Variants in RB1CC1 observed in about 807,000 individuals in gnomAD.
RB1CC1 encodes the protein RB1 inducible coiled-coil 1, also known as RB1-inducible coiled-coil protein 1.
A neutral mutation model predicts 177.5 loss-of-function variants in RB1CC1; 46 were observed. The observed-to-expected ratio is 0.26, with a 90% confidence interval of 0.20 to 0.33. The LOEUF is 0.33. Ranked by LOEUF, RB1CC1 falls within the 10% of genes least tolerant of loss-of-function variation. The pLI is 1.00. For synonymous variants in RB1CC1, 666 were observed against 613.6 expected, an observed-to-expected ratio of 1.09 and a Z score of -1.26; for missense variants, 1,703 against 1,816.3, an observed-to-expected ratio of 0.94 and a Z score of 1.13.
chr8:52,690,688 G>A (rs921317757), intron 1 of RB1CC1, among the ~76,000 whole-genome samples: 27 of 151,926 alleles, frequency 1.8e-4, no homozygotes, highest in Admixed American at 6.6e-4. Flanking sequence ...TTGTTTTCTC[G>A]TTTTCCTTTG....
At chr8:52,644,422 A>C (rs968090630) in intron 16 of RB1CC1, among the ~76,000 whole-genome samples, 1 of 152,238 alleles carries the variant, frequency 6.6e-6, no homozygotes, top group African/African-American at 2.4e-5. Context: ...TAGAAATTGT[A>C]CATGTGCTTA....
intron 5 of RB1CC1, among the ~76,000 whole-genome samples, chr8:52,680,695 G>A (rs1212741288): frequency 1.3e-5 from 2 of 152,030 alleles, no homozygotes; most frequent in African/African-American, 2.4e-5. Context: ...TGGCATATTC[G>A]TACAATAGAA....
chr8:52,652,773 G>A (rs779268001), intron 15 of RB1CC1, among the ~76,000 whole-genome samples: 1 of 152,086 alleles, frequency 6.6e-6, no homozygotes, highest in Non-Finnish European at 1.5e-5. Flanking sequence ...AAACAAGTTT[G>A]CTGGCCAGGC....
intron 20 of RB1CC1, among the ~76,000 whole-genome samples, chr8:52,632,531 G>C (rs990360433): frequency 1.3e-5 from 2 of 152,220 alleles, no homozygotes; most frequent in South Asian, 4.1e-4. Context: ...TTTTTTAAAA[G>C]CTTAAGTTTT....
intron 1 of RB1CC1, among the ~76,000 whole-genome samples, chr8:52,700,104 T>C (rs550882110): frequency 9.4e-4 from 143 of 152,036 alleles, no homozygotes; most frequent in Non-Finnish European, 1.5e-3. Context: ...CACAAAAAAC[T>C]TTAATTTTTC....
At chr8:52,705,400 G>C (rs57452480) in intron 1 of RB1CC1, among the ~76,000 whole-genome samples, 3,592 of 152,150 alleles carry the variant, frequency 0.024, 160 homozygotes, top group African/African-American at 0.082. Flanking sequence ...ACATCAACAA[G>C]GTACTACTTT....
chr8:52,676,415 A>C lies in RB1CC1; in HGVS notation c.526T>G (p.Ser176Ala), dbSNP rs1329257819. Residue 176 changes from serine to alanine, a missense_variant, in exon 6 of 24, where the codon TCA (serine) becomes GCA (alanine). Physicochemically the swap from Ser to Ala is moderately conservative, Grantham distance 99. Around this residue, in one of 6 missense-constraint regions of RB1CC1, gnomAD observed 315 missense variants for 304.9 expected, o/e 1.03. Transcript: ENST00000025008. Reference sequence around the variant, plus strand: ...TCTTCTATGGACTGCAGATAATTTGAATAAATACTTTCAAACTTGAAAAGT... The same window carrying C: ...TCTTCTATGGACTGCAGATAATTTGCATAAATACTTTCAAACTTGAAAAGT... ...KLLFKFESIY[S>A]NYLQSIEDIK... is the part of the protein sequence containing the mutation. 2 of 1,612,858 alleles carry C rather than the reference A, an allele frequency of 1.2e-6. No homozygotes were observed. The highest frequency in any genetic ancestry group is 1.7e-6 in the Non-Finnish European group (2 of 1,179,314).
intron 5 of RB1CC1, among the ~76,000 whole-genome samples, chr8:52,679,756 G>C (rs1853523801): frequency 6.6e-6 from 1 of 152,178 alleles, no homozygotes; most frequent in South Asian, 2.1e-4. Flanking sequence ...AAACTTGGGA[G>C]AACTGAATCC....
chr8:52,630,512 G>T lies in RB1CC1; in HGVS notation c.4457C>A (p.Ser1486Tyr), dbSNP rs1848679941. The stretch of plus-strand genomic sequence containing the variant: ...TTCAGAATGCCTTGAAGATACTGAA[G>T]ACATGCTCTGAGACATCTAAAAAAA... ...LNQRLMSQSMSSVSSRHSEKI... is the reference protein window; with the variant it reads ...LNQRLMSQSMYSVSSRHSEKI... The change falls in exon 21 of 24, where the codon TCT becomes TAT. Residue 1486 changes from serine (S) to tyrosine (Y), a missense_variant. Coordinates refer to ENST00000025008, the MANE Select transcript of RB1CC1 (RefSeq NM_014781.5). 6.4e-7 allele frequency: 1 copy of T among 1,568,266 alleles called. No homozygotes were observed. Among genetic ancestry groups the T allele is most frequent in the Non-Finnish European group, 8.6e-7 (1 of 1,161,952 alleles).
chr8:52,625,261 C>T (rs963138181), intron 22 of RB1CC1, among the ~76,000 whole-genome samples: 4 of 152,154 alleles, frequency 2.6e-5, no homozygotes, highest in African/African-American at 9.6e-5. Context: ...GTTCTCACAT[C>T]TGTATGCCAC....
chr8:52,654,423 T>C (rs554243139), intron 15 of RB1CC1, among the ~76,000 whole-genome samples: 2 of 152,274 alleles, frequency 1.3e-5, no homozygotes, highest in East Asian at 1.9e-4. Context: ...GAGGTGGCTG[T>C]AGCCAGATGC....
intron 15 of RB1CC1, among the ~76,000 whole-genome samples, chr8:52,653,326 G>C (rs2150458365): frequency 6.6e-6 from 1 of 152,306 alleles, no homozygotes; most frequent in Non-Finnish European, 1.5e-5. Flanking sequence ...GCAGAGGCCA[G>C]TTAGTGGCAC....
chr8:52,646,948 C>T (rs2150427447), intron 15 of RB1CC1, among the ~76,000 whole-genome samples: 1 of 152,252 alleles, frequency 6.6e-6, no homozygotes, highest in South Asian at 2.1e-4. Flanking sequence ...CTAAAAACCA[C>T]TTTACCAGGT....
At chr8:52,660,310 G>A (rs1282517534) in intron 12 of RB1CC1, among the ~76,000 whole-genome samples, 1 of 151,996 alleles carries the variant, frequency 6.6e-6, no homozygotes, top group East Asian at 1.9e-4. Flanking sequence ...AAGAAAAAAA[G>A]GAAGAGACAA....
chr8:52,704,754 C>A (rs958713449), intron 1 of RB1CC1, among the ~76,000 whole-genome samples: 2 of 152,064 alleles, frequency 1.3e-5, no homozygotes, highest in Non-Finnish European at 2.9e-5. Context: ...AAGTAAGGTA[C>A]AAGCACAGAA....
chr8:52,673,919 C>A lies in RB1CC1; in HGVS notation c.928G>T (p.Asp310Tyr). 6.2e-7 allele frequency: 1 copy of A among 1,614,072 alleles called. No homozygotes were observed. The highest frequency in any genetic ancestry group is 1.1e-5 in the South Asian group (1 of 91,058). ...DLPFFNVSLL[D>Y]WINVQDRPND... The stretch of plus-strand genomic sequence containing the variant: ...GGTCTATCTTGAACATTTATCCAGT[C>A]TAACAAAGAGACATTAAAAAAGGGC... The change falls in exon 7 of 24, where the codon GAC (aspartate) becomes TAC (tyrosine). Residue 310 changes from aspartate (D) to tyrosine (Y), a missense_variant. Asp to Tyr is a radical substitution (Grantham distance 160). Coordinates refer to ENST00000025008, the MANE Select transcript of RB1CC1 (RefSeq NM_014781.5).
intron 1 of RB1CC1, among the ~76,000 whole-genome samples, chr8:52,700,738 T>C (rs76521398): frequency 0.041 from 6,280 of 152,228 alleles, 450 homozygotes; most frequent in African/African-American, 0.14. Context: ...AAAGGGAACA[T>C]AGAAACAATT....
chr8:52,630,401 A>G, intron 21 of RB1CC1, 69 bp downstream of exon 21: 1 of 1,494,548 alleles, frequency 6.7e-7, no homozygotes, highest in Non-Finnish European at 8.9e-7. Flanking sequence ...CTGTCACTGA[A>G]ATACATTTTC....
In RB1CC1 at chr8:52,658,124, C is replaced by G. The variant is rs778977249; in HGVS notation, c.1794G>C (p.Arg598Ser). 1.2e-6 allele frequency: 2 copies of G among 1,608,792 alleles called. No individual in the cohort carries two copies. ...GTTCAAAGTCACAAAGTAAGGGAAC[C>G]CTGAAACAGAATGCAATGCAATTAG... ...FCPSEVQPFL[R>S]VPLLCDFEPL... Residue 598 changes from arginine to serine, a missense_variant and splice_region_variant, in exon 14 of 24, where the codon AGG (arginine) becomes AGC (serine). This residue lies in a region of RB1CC1 where 1,169 missense variants were observed against 1,184.7 expected (regional missense o/e 0.99). Coordinates refer to ENST00000025008, the MANE Select transcript of RB1CC1 (RefSeq NM_014781.5).
Sources: allele counts gnomAD v4.1 joint callset (sites outside exome capture counted in the v4.1 genomes callset), GRCh38; gene constraint gnomAD v4.1.1; regional missense constraint gnomAD v4.1.1; transcripts MANE v1.5; gene names NCBI Gene and HGNC (gene_info 2026-07-23, HGNC 2026-07-21).